Variants in RIN2 observed in about 807,000 individuals in gnomAD.
The protein encoded by RIN2 is RAB5 interacting protein 2.
A neutral mutation model predicts 78.0 loss-of-function variants in RIN2; 36 were observed. The ratio of observed to expected loss-of-function variants is 0.46; its 90% confidence interval spans 0.35 to 0.61. RIN2 has a LOEUF of 0.61. RIN2 is among the 20% of genes least tolerant of loss of function. RIN2 has a pLI of 0.00. For missense variants in RIN2, 1,087 were observed against 1,159.7 expected, an observed-to-expected ratio of 0.94 and a Z score of 0.91; for synonymous variants, 466 against 466.8, an observed-to-expected ratio of 1.00 and a Z score of 0.02.
At chr20:19,934,582 T>C in intron 3 of RIN2, 1 of 984,792 alleles carries the variant, frequency 1.0e-6, no homozygotes, top group Non-Finnish European at 1.2e-6. Flanking sequence ...GTGCAAAGAA[T>C]AGAACAAGAA....
At chr20:19,768,142 G>C (rs929542581) in intron 1 of RIN2, among the ~76,000 whole-genome samples, 2 of 152,138 alleles carry the variant, frequency 1.3e-5, no homozygotes, top group African/African-American at 4.8e-5. Flanking sequence ...GTTCTGCCTG[G>C]TCTCTCCCTA....
chr20:19,848,772 T>G (rs2123159948), intron 2 of RIN2, among the ~76,000 whole-genome samples: 1 of 152,266 alleles, frequency 6.6e-6, no homozygotes, highest in East Asian at 1.9e-4. Flanking sequence ...ATTTTATCAT[T>G]TAAAAAACTA....
intron 3 of RIN2, among the ~76,000 whole-genome samples, chr20:19,902,361 C>T (rs1256442341): frequency 6.6e-6 from 1 of 152,138 alleles, no homozygotes; most frequent in Non-Finnish European, 1.5e-5. Flanking sequence ...TGGAGTGCTC[C>T]CTGGGCTGGA....
chr20:19,825,509 G>A (rs1024052514), intron 2 of RIN2, among the ~76,000 whole-genome samples: 1 of 152,138 alleles, frequency 6.6e-6, no homozygotes, highest in African/African-American at 2.4e-5. Context: ...CTTCAGCTAG[G>A]CCTTTTGTGG....
intron 1 of RIN2, among the ~76,000 whole-genome samples, chr20:19,793,725 G>C (rs2034960394): frequency 6.6e-6 from 1 of 152,300 alleles, no homozygotes; most frequent in East Asian, 1.9e-4. Flanking sequence ...AATTTTCCAG[G>C]TTATTAGGAT....
chr20:19,846,797 G>A lies in RIN2; in HGVS notation c.-36-42769G>A, dbSNP rs369700594. Reference sequence around the variant, plus strand: ...AGAGAGGACATCCTTGTCTTGTGCCGGTTTTCAAAGGGAATGCTTCCAGTT... The same window carrying A: ...AGAGAGGACATCCTTGTCTTGTGCCAGTTTTCAAAGGGAATGCTTCCAGTT... On this transcript the variant is annotated intron_variant, in intron 2 of 12. Transcript: ENST00000255006. Among the ~76,000 whole-genome samples, 289 of 152,178 alleles carry A rather than the reference G, an allele frequency of 1.9e-3. 1 individual carries two copies. The highest frequency in any genetic ancestry group is 6.4e-3 in the African/African-American group (266 of 41,510).
intron 3 of RIN2, among the ~76,000 whole-genome samples, chr20:19,926,646 T>C (rs2040236037): frequency 6.6e-6 from 1 of 152,024 alleles, no homozygotes; most frequent in Non-Finnish European, 1.5e-5. Flanking sequence ...GCAGAGCTGA[T>C]TCCCGGATTA....
chr20:19,916,822 A>T (rs1194871795), intron 3 of RIN2, among the ~76,000 whole-genome samples: 1 of 152,120 alleles, frequency 6.6e-6, no homozygotes, highest in African/African-American at 2.4e-5. Flanking sequence ...TAGTGTTTGT[A>T]TTGAAATCGT....
intron 1 of RIN2, among the ~76,000 whole-genome samples, chr20:19,772,041 ACAGAT>A (rs1455355403): frequency 1.3e-5 from 2 of 150,762 alleles, no homozygotes; most frequent in African/African-American, 4.9e-5. Context: ...CGTGGATAGA[ACAGAT>A]GCGCGCTCTC....
chr20:19,918,271 G>T (rs1443821486), intron 3 of RIN2, among the ~76,000 whole-genome samples: 2 of 151,990 alleles, frequency 1.3e-5, no homozygotes, highest in Non-Finnish European at 2.9e-5. Context: ...CCAAGGCCAA[G>T]GTCCCATAGC....
At chr20:19,959,801 G>A (rs1356768109) in intron 5 of RIN2, among the ~76,000 whole-genome samples, 1 of 152,146 alleles carries the variant, frequency 6.6e-6, no homozygotes, top group African/African-American at 2.4e-5. Flanking sequence ...GCTGCCACAC[G>A]CCATACTCCA....
intron 2 of RIN2, among the ~76,000 whole-genome samples, chr20:19,855,111 A>G (rs1343453237): frequency 5.9e-5 from 9 of 152,184 alleles, no homozygotes; most frequent in Non-Finnish European, 1.3e-4. Flanking sequence ...ATTTCGTCAA[A>G]GGCCTTTTCT....
intron 4 of RIN2, among the ~76,000 whole-genome samples, chr20:19,940,925 G>T (rs1450167197): frequency 6.6e-6 from 1 of 152,212 alleles, no homozygotes; most frequent in Non-Finnish European, 1.5e-5. Flanking sequence ...GGCCCAGGCT[G>T]CCTCTGCAGG....
At chr20:19,966,081 C>T (rs567724164) in intron 7 of RIN2, among the ~76,000 whole-genome samples, 1 of 152,214 alleles carries the variant, frequency 6.6e-6, no homozygotes, top group East Asian at 1.9e-4. Flanking sequence ...GCATTGCCTC[C>T]TCTTATGGGG....
intron 2 of RIN2, among the ~76,000 whole-genome samples, chr20:19,864,192 A>G (rs951732262): frequency 2.6e-5 from 4 of 152,152 alleles, no homozygotes; most frequent in Non-Finnish European, 5.9e-5. Context: ...TACTATTGAC[A>G]GTACCCTGGT....
chr20:19,820,866 C>A (rs939836342), intron 2 of RIN2, among the ~76,000 whole-genome samples: 6 of 152,186 alleles, frequency 3.9e-5, no homozygotes, highest in African/African-American at 1.4e-4. Context: ...GCAAGCAGAC[C>A]TAATTTACAG....
intron 2 of RIN2, among the ~76,000 whole-genome samples, chr20:19,813,156 T>C (rs6112585): frequency 0.35 from 53,523 of 152,140 alleles, 10,758 homozygotes; most frequent in African/African-American, 0.56. Flanking sequence ...GGGGTCACCA[T>C]TCTTTCCCTT....
intron 2 of RIN2, among the ~76,000 whole-genome samples, chr20:19,880,270 AT>A (rs2037982254): frequency 7.0e-6 from 1 of 142,782 alleles, no homozygotes; most frequent in Non-Finnish European, 1.5e-5. Context: ...AAAAAAAAAA[AT>A]TTCCAGCATG....
intron 8 of RIN2, among the ~76,000 whole-genome samples, chr20:19,973,108 T>C (rs1194927303): frequency 1.3e-5 from 2 of 152,252 alleles, no homozygotes; most frequent in Admixed American, 1.3e-4. Flanking sequence ...TTAGATTTCA[T>C]TAAATTCACA....
Sources: gnomAD v4.1 joint callset for allele counts (sites outside exome capture counted in the v4.1 genomes callset) on GRCh38, gnomAD v4.1.1 for gene constraint, MANE v1.5 for transcripts, NCBI Gene and HGNC (gene_info 2026-07-23, HGNC 2026-07-21) for gene names.